The following LRP1B variants were observed in gnomAD, a reference collection of about 807,000 sequenced individuals.
LRP1B encodes LDL receptor related protein 1B.
In LRP1B, 217 loss-of-function variants were observed where a neutral mutation model predicts 556.6. That is an observed-to-expected ratio of 0.39 (90% CI 0.35 to 0.44). The LOEUF (loss-of-function observed/expected upper bound fraction) is 0.44. Among genes scored for constraint, LRP1B ranks in the 20% least tolerant of loss-of-function variants. LRP1B has a pLI of 1.00. For synonymous variants in LRP1B, 2,047 were observed against 1,865.8 expected (o/e 1.10, Z -2.50); for missense variants, 5,053 against 5,620.8 (o/e 0.90, Z 3.23).
At chr2:140,473,175 T>G (rs1016123623) in intron 60 of LRP1B, among the ~76,000 whole-genome samples, 3 of 152,004 alleles carry the variant, frequency 2.0e-5, no homozygotes, top group Non-Finnish European at 4.4e-5. Context: ...CTCCAATTAG[T>G]ACCTCATTAG....
chr2:140,467,612 CAAAAAAA>C (rs36060070), intron 60 of LRP1B, among the ~76,000 whole-genome samples: 1,999 of 85,944 alleles, frequency 0.023, 47 homozygotes, highest in African/African-American at 0.076. Flanking sequence ...AACTCCATCT[CAAAAAAA>C]AAAAAAAAAA....
At chr2:141,456,329 T>A (rs947288845) in intron 3 of LRP1B, among the ~76,000 whole-genome samples, 3 of 152,242 alleles carry the variant, frequency 2.0e-5, no homozygotes, top group Admixed American at 2.0e-4. Flanking sequence ...TTGATTTCCA[T>A]CTATTTAAAT....
At chr2:141,023,208 A>G (rs1698115674) in intron 11 of LRP1B, among the ~76,000 whole-genome samples, 1 of 151,938 alleles carries the variant, frequency 6.6e-6, no homozygotes, top group Admixed American at 6.6e-5. Flanking sequence ...TCTTTGTTCT[A>G]GTAATTTCAA....
At chr2:140,240,375 T>C (rs2104886590) in intron 87 of LRP1B, among the ~76,000 whole-genome samples, 1 of 150,844 alleles carries the variant, frequency 6.6e-6, no homozygotes, top group East Asian at 2.0e-4. Context: ...TTTTTATGCA[T>C]CTGAGCACAG....
intron 2 of LRP1B, among the ~76,000 whole-genome samples, chr2:141,786,657 C>T (rs1404222439): frequency 3.3e-5 from 5 of 151,822 alleles, no homozygotes; most frequent in African/African-American, 7.2e-5. Context: ...ATTGGACTGG[C>T]TAGGACCACT....
At chr2:141,516,948 C>G (rs1325297660) in intron 2 of LRP1B, among the ~76,000 whole-genome samples, 1 of 140,578 alleles carries the variant, frequency 7.1e-6, no homozygotes, top group African/African-American at 2.6e-5. Flanking sequence ...CCGCCTGCCT[C>G]GGTCTCCCAA....
chr2:140,251,421 C>T (rs537518976), intron 86 of LRP1B, among the ~76,000 whole-genome samples: 33 of 151,914 alleles, frequency 2.2e-4, no homozygotes, highest in Non-Finnish European at 4.4e-4. Context: ...ATGAACTGCT[C>T]TTGTCATTTT....
At chr2:141,467,114 ATATATATATC>A (rs1456553618) in intron 3 of LRP1B, among the ~76,000 whole-genome samples, 211 of 2,354 alleles carry the variant, frequency 0.09, 3 homozygotes, top group Middle Eastern at 0.3. Context: ...ATATATATAT[ATATATATATC>A]TATATATATA....
At chr2:141,060,139 A>T (rs548771867) in intron 8 of LRP1B, among the ~76,000 whole-genome samples, 1 of 151,958 alleles carries the variant, frequency 6.6e-6, no homozygotes, top group East Asian at 1.9e-4. Flanking sequence ...TTAAACAAAA[A>T]CATTTGATTT....
chr2:141,800,726 T>C (rs150125793), intron 2 of LRP1B, among the ~76,000 whole-genome samples: 1 of 152,174 alleles, frequency 6.6e-6, no homozygotes, highest in Non-Finnish European at 1.5e-5. Flanking sequence ...ATGGAAAGAA[T>C]AGCATTTAAC....
chr2:140,463,746 G>C (rs1687419049), intron 60 of LRP1B, among the ~76,000 whole-genome samples: 1 of 152,194 alleles, frequency 6.6e-6, no homozygotes, highest in Non-Finnish European at 1.5e-5. Flanking sequence ...CACAGTGCAG[G>C]AAGATCAGAG....
chr2:140,766,239 A>G (rs953641998), intron 35 of LRP1B, among the ~76,000 whole-genome samples: 6 of 152,020 alleles, frequency 3.9e-5, no homozygotes, highest in Admixed American at 1.3e-4. Flanking sequence ...GACTGACACA[A>G]CAAAAAAGGT....
At chr2:140,978,648 G>A (rs768824582) in intron 18 of LRP1B, among the ~76,000 whole-genome samples, 2 of 152,174 alleles carry the variant, frequency 1.3e-5, no homozygotes, top group Non-Finnish European at 2.9e-5. Flanking sequence ...CTCTTGCAGA[G>A]ATCTGTGCCA....
intron 7 of LRP1B, among the ~76,000 whole-genome samples, chr2:141,074,746 A>T (rs1003843861): frequency 5.9e-5 from 9 of 151,778 alleles, no homozygotes; most frequent in African/African-American, 1.7e-4. Context: ...AAGGGTAAAA[A>T]ATAAAGATAA....
chr2:141,893,260 G>GC (rs2104918293), intron 1 of LRP1B, among the ~76,000 whole-genome samples: 1 of 152,256 alleles, frequency 6.6e-6, no homozygotes, highest in African/African-American at 2.4e-5. Flanking sequence ...GAGTGGAAGG[G>GC]CACGATCTCG....
At chr2:141,412,320 AAG>A (rs1455267725) in intron 3 of LRP1B, among the ~76,000 whole-genome samples, 1 of 152,232 alleles carries the variant, frequency 6.6e-6, no homozygotes, top group Non-Finnish European at 1.5e-5. Flanking sequence ...CACAGTAGGA[AAG>A]AGAATTCATA....
chr2:141,578,210 A>G (rs1686826483), intron 2 of LRP1B, among the ~76,000 whole-genome samples: 1 of 152,046 alleles, frequency 6.6e-6, no homozygotes, highest in Non-Finnish European at 1.5e-5. Context: ...CCTGAACAAC[A>G]TGGTGAAATC....
intron 1 of LRP1B, among the ~76,000 whole-genome samples, chr2:142,058,900 C>T (rs1031977393): frequency 4.6e-5 from 7 of 151,976 alleles, no homozygotes; most frequent in Non-Finnish European, 8.8e-5. Context: ...TGTGTAACTT[C>T]GAGAAAGTTA....
chr2:141,110,249 AATTTT>A (rs1382995822), intron 7 of LRP1B, among the ~76,000 whole-genome samples: 2 of 151,244 alleles, frequency 1.3e-5, no homozygotes, highest in African/African-American at 4.8e-5. Flanking sequence ...ATATAAATTT[AATTTT>A]ATATCTTTCT....
Sources: gnomAD v4.1 joint callset for allele counts (sites outside exome capture counted in the v4.1 genomes callset) on GRCh38, gnomAD v4.1.1 for gene constraint, MANE v1.5 for transcripts, NCBI Gene and HGNC (gene_info 2026-07-23, HGNC 2026-07-21) for gene names.